GPC6: variants seen among roughly 807,000 people sequenced by gnomAD.
GPC6 encodes glypican-6.
Under a neutral mutation model 55.2 loss-of-function variants are expected in GPC6, and 14 were observed. The observed-to-expected ratio is 0.25, with a 90% CI of 0.17 to 0.40. The LOEUF is 0.40. Among genes scored for constraint, GPC6 ranks in the 10% least tolerant of loss-of-function variants. GPC6 has a pLI of 1.00. For synonymous variants in GPC6, 278 were observed against 259.6 expected (o/e 1.07, Z -0.68); for missense variants, 641 against 708.5 (o/e 0.90, Z 1.08).
intron 4 of GPC6, among the ~76,000 whole-genome samples, chr13:94,271,380 GCGCA>G (rs1337080527): frequency 0.022 from 2,491 of 112,548 alleles, 56 homozygotes; most frequent in African/African-American, 0.057. Context: ...GCGCGCGCGC[GCGCA>G]CACACACACA....
intron 2 of GPC6, among the ~76,000 whole-genome samples, chr13:93,568,654 A>C (rs562425441): frequency 6.6e-6 from 1 of 152,272 alleles, no homozygotes; most frequent in South Asian, 2.1e-4. Flanking sequence ...CTGCCATGAA[A>C]ATCTAGCTCG....
At chr13:93,750,165 C>T (rs1455249687) in intron 2 of GPC6, among the ~76,000 whole-genome samples, 2 of 152,088 alleles carry the variant, frequency 1.3e-5, no homozygotes, top group African/African-American at 2.4e-5. Flanking sequence ...TAAGATTTGT[C>T]TGTAAAGACA....
intron 1 of GPC6, among the ~76,000 whole-genome samples, chr13:93,240,210 C>T (rs1261977251): frequency 6.6e-6 from 1 of 151,992 alleles, no homozygotes; most frequent in Middle Eastern, 3.2e-3. Flanking sequence ...AATGATCTAG[C>T]TAGTGTTGTG....
intron 2 of GPC6, among the ~76,000 whole-genome samples, chr13:93,799,057 T>G (rs1229584369): frequency 6.6e-6 from 1 of 152,142 alleles, no homozygotes; most frequent in East Asian, 1.9e-4. Context: ...CATGACCAAG[T>G]GTTGAACACC....
At chr13:93,895,564 T>A (rs749342154) in intron 3 of GPC6, among the ~76,000 whole-genome samples, 34 of 151,936 alleles carry the variant, frequency 2.2e-4, no homozygotes, top group Non-Finnish European at 7.4e-5. Flanking sequence ...TCACACCCCA[T>A]CTCACCATCA....
At chr13:93,724,722 A>T (rs563575898) in intron 2 of GPC6, among the ~76,000 whole-genome samples, 1 of 152,048 alleles carries the variant, frequency 6.6e-6, no homozygotes, top group Non-Finnish European at 1.5e-5. Flanking sequence ...ACATTTTGTT[A>T]TACTTTTGGA....
chr13:93,810,020 C>A (rs1230248505), intron 2 of GPC6, among the ~76,000 whole-genome samples: 1 of 152,088 alleles, frequency 6.6e-6, no homozygotes, highest in African/African-American at 2.4e-5. Context: ...TTCTCAGACA[C>A]CCATCCAAAA....
At chr13:93,450,800 G>T in intron 1 of GPC6, 3 of 619,308 alleles carry the variant, frequency 4.8e-6, no homozygotes, top group Non-Finnish European at 4.0e-6. Flanking sequence ...TGTAAGCCAT[G>T]ACAAGGAATT....
At chr13:93,779,378 A>G (rs993796305) in intron 2 of GPC6, among the ~76,000 whole-genome samples, 2 of 152,174 alleles carry the variant, frequency 1.3e-5, no homozygotes, top group East Asian at 1.9e-4. Flanking sequence ...TGTTCCTTCA[A>G]CTCATTCTGG....
At chr13:93,642,482 G>T (rs1879994243) in intron 2 of GPC6, among the ~76,000 whole-genome samples, 1 of 152,050 alleles carries the variant, frequency 6.6e-6, no homozygotes, top group Non-Finnish European at 1.5e-5. Flanking sequence ...CCTTTTGGTA[G>T]AATGATTTAT....
intron 7 of GPC6, among the ~76,000 whole-genome samples, chr13:94,386,475 A>T (rs1880415799): frequency 6.6e-6 from 1 of 152,172 alleles, no homozygotes; most frequent in Non-Finnish European, 1.5e-5. Flanking sequence ...CTATAATCTT[A>T]ACTACTCAGA....
chr13:94,265,839 C>T (rs1332209213), intron 4 of GPC6, among the ~76,000 whole-genome samples: 2 of 152,152 alleles, frequency 1.3e-5, no homozygotes, highest in Non-Finnish European at 2.9e-5. Flanking sequence ...TAAGTAAATG[C>T]CATCCACATA....
At chr13:93,636,461 T>G (rs911907984) in intron 2 of GPC6, among the ~76,000 whole-genome samples, 2 of 152,168 alleles carry the variant, frequency 1.3e-5, no homozygotes, top group African/African-American at 4.8e-5. Context: ...TGATCACATA[T>G]CCCTGCCTGT....
chr13:93,708,965 G>C (rs540032090), intron 2 of GPC6, among the ~76,000 whole-genome samples: 1 of 151,902 alleles, frequency 6.6e-6, no homozygotes, highest in South Asian at 2.1e-4. Context: ...CAGAGTTTGA[G>C]TTCACAACTT....
At chr13:94,281,319 C>T (rs914204611) in intron 4 of GPC6, among the ~76,000 whole-genome samples, 20 of 152,080 alleles carry the variant, frequency 1.3e-4, no homozygotes, top group Admixed American at 2.0e-4. Context: ...ACATGCATTA[C>T]GTATTTGTCC....
At chr13:93,867,117 C>T (rs1888988427) in intron 3 of GPC6, among the ~76,000 whole-genome samples, 1 of 151,390 alleles carries the variant, frequency 6.6e-6, no homozygotes, top group Non-Finnish European at 1.5e-5. Context: ...GAGGCTATTT[C>T]CAAAAATTTC....
intron 2 of GPC6, among the ~76,000 whole-genome samples, chr13:93,672,277 T>C (rs1410171329): frequency 1.3e-5 from 2 of 151,604 alleles, no homozygotes; most frequent in Non-Finnish European, 2.9e-5. Context: ...TAAGAGAAAT[T>C]CCAAATGTAT....
intron 4 of GPC6, among the ~76,000 whole-genome samples, chr13:94,202,332 C>T (rs1889778130): frequency 6.6e-6 from 1 of 152,140 alleles, no homozygotes; most frequent in Non-Finnish European, 1.5e-5. Flanking sequence ...TAAAGACATA[C>T]CTGAGACTGG....
intron 3 of GPC6, among the ~76,000 whole-genome samples, chr13:93,888,838 G>A (rs549039263): frequency 6.6e-6 from 1 of 152,238 alleles, no homozygotes; most frequent in South Asian, 2.1e-4. Context: ...GCCATAGGGA[G>A]GTCTTGACTA....
Sources: gnomAD v4.1 joint callset for allele counts (sites outside exome capture counted in the v4.1 genomes callset) on GRCh38, gnomAD v4.1.1 for gene constraint, MANE v1.5 for transcripts, NCBI Gene and HGNC (gene_info 2026-07-23, HGNC 2026-07-21) for gene names.